Variants in OSTN observed in about 807,000 individuals in gnomAD.
The protein encoded by OSTN is osteocrin.
Under a neutral mutation model 12.0 loss-of-function variants are expected in OSTN, and 9 were observed. The ratio of observed to expected loss-of-function variants is 0.75; its 90% CI spans 0.45 to 1.30. The LOEUF (loss-of-function observed/expected upper bound fraction) is 1.30, where lower values mean the gene tolerates loss of function less well. OSTN is among the 50% of genes most tolerant of loss of function. OSTN has a pLI of 0.00. For synonymous variants in OSTN, 59 were observed against 56.9 expected, an observed-to-expected ratio of 1.04 and a Z score of -0.16; for missense variants, 148 against 152.3, an observed-to-expected ratio of 0.97 and a Z score of 0.15.
intron 3 of OSTN, among the ~76,000 whole-genome samples, chr3:191,240,956 A>T (rs1715303679): frequency 6.6e-6 from 1 of 152,190 alleles, no homozygotes; most frequent in Non-Finnish European, 1.5e-5. Flanking sequence ...AGCCCTATTC[A>T]ATGTGGAAGG....
At position 191,250,048 on chromosome 3, in the gene OSTN, A is replaced by T. The variant is rs762238187; in HGVS notation, c.329A>T (p.Asp110Val). Residue 110 changes from aspartate (D) to valine (V), a missense_variant, in exon 4 of 5, where the codon GAT (aspartate) becomes GTT (valine). Coordinates refer to ENST00000682035, the MANE Select transcript of OSTN (RefSeq NM_198184.2). ...DHKGKQRKVV[D>V]HPKRRFGIPM... Reference sequence around the variant, plus strand: ...TTGGTTTGTTTCAGGAAAGTAGTAGATCATCCAAAAAGGCGATTTGGTATC... The same window carrying T: ...TTGGTTTGTTTCAGGAAAGTAGTAGTTCATCCAAAAAGGCGATTTGGTATC... 2 of 1,613,462 alleles carry T rather than the reference A, an allele frequency of 1.2e-6. No individual in the cohort carries two copies. Among genetic ancestry groups the T allele is most frequent in the Non-Finnish European group, 1.7e-6 (2 of 1,179,386 alleles).
intron 3 of OSTN, among the ~76,000 whole-genome samples, chr3:191,223,446 T>A (rs1224779210): frequency 6.6e-6 from 1 of 152,216 alleles, no homozygotes; most frequent in Non-Finnish European, 1.5e-5. Flanking sequence ...AGAGAATGTG[T>A]TATAGTACAC....
At chr3:191,230,007 A>C (rs1715009389) in intron 3 of OSTN, 1 of 151,898 alleles carries the variant, frequency 6.6e-6, no homozygotes, top group African/African-American at 2.4e-5. Flanking sequence ...CAGAAGTTGC[A>C]GTGAGCCAAG....
chr3:191,252,240 T>C (rs572088062), intron 4 of OSTN, among the ~76,000 whole-genome samples: 1 of 152,282 alleles, frequency 6.6e-6, no homozygotes, highest in South Asian at 2.1e-4. Flanking sequence ...TTTAAAAATA[T>C]ATTTTTAGTA....
intron 3 of OSTN, among the ~76,000 whole-genome samples, chr3:191,225,853 A>G (rs1714896045): frequency 6.6e-6 from 1 of 152,138 alleles, no homozygotes; most frequent in Admixed American, 6.5e-5. Flanking sequence ...AGGAGTTGAT[A>G]AACTACCTAC....
In OSTN at chr3:191,204,199, A is replaced by T. The variant is rs575955313; in HGVS notation, c.-1+4892A>T. 3.3e-5 allele frequency among the ~76,000 whole-genome samples: 5 copies of T among 151,988 alleles called. No homozygotes were observed. The East Asian group carries it at 9.6e-4, about 29-fold the overall frequency. On this transcript the variant is annotated intron_variant, in intron 1 of 4. Transcript: ENST00000682035. ...GCCACCGTGCCCAGCTGATATTTTA[A>T]TTTTTTTTTAACGGGAAATGTTAAA...
At chr3:191,219,314 G>A (rs999342142) in intron 3 of OSTN, among the ~76,000 whole-genome samples, 2 of 152,180 alleles carry the variant, frequency 1.3e-5, no homozygotes, top group African/African-American at 4.8e-5. Context: ...ATTTACTAGA[G>A]GTAACAGGAA....
At chr3:191,254,642 T>A (rs1337183549) in intron 4 of OSTN, among the ~76,000 whole-genome samples, 1 of 152,232 alleles carries the variant, frequency 6.6e-6, no homozygotes, top group Non-Finnish European at 1.5e-5. Flanking sequence ...TGTATAGTTT[T>A]CTTTTGAAAG....
At chr3:191,236,771 C>G (rs999522659) in intron 3 of OSTN, among the ~76,000 whole-genome samples, 3 of 152,124 alleles carry the variant, frequency 2.0e-5, no homozygotes, top group Admixed American at 1.3e-4. Flanking sequence ...ACATTATTAA[C>G]TTGTTTTCTT....
At chr3:191,208,934 G>A (rs1198117226) in intron 1 of OSTN, among the ~76,000 whole-genome samples, 1 of 152,204 alleles carries the variant, frequency 6.6e-6, no homozygotes, top group Non-Finnish European at 1.5e-5. Flanking sequence ...AAGGCAGGTG[G>A]ATCACCTGAG....
At chr3:191,228,103 T>G (rs1445997883) in intron 3 of OSTN, among the ~76,000 whole-genome samples, 1 of 152,200 alleles carries the variant, frequency 6.6e-6, no homozygotes, top group Non-Finnish European at 1.5e-5. Flanking sequence ...TGGTTTGTAA[T>G]TGATGATCTT....
intron 1 of OSTN, among the ~76,000 whole-genome samples, chr3:191,211,249 T>C (rs1714409984): frequency 6.6e-6 from 1 of 152,228 alleles, no homozygotes; most frequent in East Asian, 1.9e-4. Flanking sequence ...TATTGTTCTA[T>C]ACTTTCCGTT....
At chr3:191,231,321 T>C (rs1296238460) in intron 3 of OSTN, among the ~76,000 whole-genome samples, 1 of 152,054 alleles carries the variant, frequency 6.6e-6, no homozygotes, top group Non-Finnish European at 1.5e-5. Flanking sequence ...TGTCATCTGT[T>C]ACCAAGGCTT....
chr3:191,255,104 C>T (rs1715642585), intron 4 of OSTN, among the ~76,000 whole-genome samples: 1 of 152,116 alleles, frequency 6.6e-6, no homozygotes, highest in African/African-American at 2.4e-5. Context: ...TGAAGCTGTT[C>T]CACCTCAGAT....
chr3:191,202,996 ATTTGAG>A (rs1405323045), intron 1 of OSTN, among the ~76,000 whole-genome samples: 1 of 152,248 alleles, frequency 6.6e-6, no homozygotes, highest in African/African-American at 2.4e-5. Context: ...AGGAATGATT[ATTTGAG>A]GTTAGTGATG....
At chr3:191,226,403 A>G (rs1176534850) in intron 3 of OSTN, among the ~76,000 whole-genome samples, 15 of 152,192 alleles carry the variant, frequency 9.9e-5, no homozygotes, top group Admixed American at 9.8e-4. Context: ...CATGATGTAC[A>G]TGTATGTGTG....
intron 3 of OSTN, among the ~76,000 whole-genome samples, chr3:191,229,563 A>G (rs1465869051): frequency 6.6e-6 from 1 of 152,192 alleles, no homozygotes; most frequent in Non-Finnish European, 1.5e-5. Flanking sequence ...ATATGTCTGA[A>G]CTATTTTATA....
At position 191,223,039 on chromosome 3, in the gene OSTN, C is replaced by A. The variant is rs137888218; in HGVS notation, c.317+4078C>A. ...TTAAATTTAAAATTAAATTAAAATT[C>A]TTTCCTTTATGAATTACCCAGTCTC... On this transcript the variant is annotated intron_variant, in intron 3 of 4. Transcript: ENST00000682035. Among the ~76,000 whole-genome samples the A allele has an allele frequency of 8.5e-4, 129 of 152,174 alleles. 1 individual carries two copies. The East Asian group carries it at 0.022, about 26-fold the overall frequency.
At chr3:191,228,311 T>G (rs1320385846) in intron 3 of OSTN, among the ~76,000 whole-genome samples, 1 of 152,168 alleles carries the variant, frequency 6.6e-6, no homozygotes, top group Non-Finnish European at 1.5e-5. Context: ...AATATTATTG[T>G]GCAAAGGAGG....
Sources: gnomAD v4.1 joint callset for allele counts (sites outside exome capture counted in the v4.1 genomes callset) on GRCh38, gnomAD v4.1.1 for gene constraint, MANE v1.5 for transcripts, NCBI Gene and HGNC (gene_info 2026-07-23, HGNC 2026-07-21) for gene names.